EGFR: variants seen among roughly 807,000 people sequenced by gnomAD.
EGFR encodes the protein avian erythroblastic leukemia viral (v-erb-b) oncogene homolog.
A neutral mutation model predicts 143.0 loss-of-function variants in EGFR; 58 were observed. That is an observed-to-expected ratio of 0.41 (90% CI 0.33 to 0.50). The LOEUF (loss-of-function observed/expected upper bound fraction) is 0.50. EGFR is among the 20% of genes least tolerant of loss of function. EGFR has a pLI of 0.39. For synonymous variants in EGFR, 613 were observed against 594.4 expected (o/e 1.03, Z -0.45); for missense variants, 1,307 against 1,579.0 (o/e 0.83, Z 2.92).
At chr7:55,113,591 G>A (rs1792651417) in intron 1 of EGFR, among the ~76,000 whole-genome samples, 1 of 152,184 alleles carries the variant, frequency 6.6e-6, no homozygotes, top group East Asian at 1.9e-4. Flanking sequence ...CTTCAATAGA[G>A]GATCGATAAG....
At chr7:55,140,302 C>A (rs1350243085) in intron 1 of EGFR, among the ~76,000 whole-genome samples, 1 of 152,066 alleles carries the variant, frequency 6.6e-6, no homozygotes, top group African/African-American at 2.4e-5. Flanking sequence ...TCTCTGCATC[C>A]TGAGGAAACT....
chr7:55,168,584 A>G, intron 15 of EGFR: 2 of 1,611,206 alleles, frequency 1.2e-6, no homozygotes, highest in South Asian at 2.2e-5. Context: ...TCCTTTCTAC[A>G]ATTTCAATTT....
intron 1 of EGFR, among the ~76,000 whole-genome samples, chr7:55,051,356 G>A (rs1394614983): frequency 1.3e-5 from 2 of 152,102 alleles, no homozygotes; most frequent in Non-Finnish European, 2.9e-5. Flanking sequence ...AGGTGATTAG[G>A]TCATAAGGCT....
intron 13 of EGFR, 150 bp downstream of exon 13, chr7:55,161,781 G>A (rs527243482): frequency 6.0e-6 from 8 of 1,342,678 alleles, no homozygotes; most frequent in East Asian, 4.7e-5. Flanking sequence ...GTGGGGAGAC[G>A]GGAAGTTGTT....
intron 1 of EGFR, among the ~76,000 whole-genome samples, chr7:55,061,219 T>A (rs1789146479): frequency 6.8e-6 from 1 of 146,608 alleles, no homozygotes; most frequent in African/African-American, 2.5e-5. Flanking sequence ...TGGATAAGGA[T>A]TCTGCCTTTT....
At chr7:55,116,660 C>G (rs747047207) in intron 1 of EGFR, among the ~76,000 whole-genome samples, 1 of 152,194 alleles carries the variant, frequency 6.6e-6, no homozygotes, top group African/African-American at 2.4e-5. Context: ...AGAAGCACCC[C>G]GTGCTGCCTC....
rs11372886 is a variant in EGFR, at chr7:55,023,650, C to CAAAAA, written c.88+4300_88+4304dup. On this transcript the variant is annotated intron_variant, in intron 1 of 27. Coordinates refer to ENST00000275493, the MANE Select transcript of EGFR (RefSeq NM_005228.5). Reference sequence around the variant, plus strand: ...CGCGCGACAGTGTGAGACTCCATCTCAAAAAAAAAAAAAAAAAAACAGATT... The same window carrying CAAAAA: ...CGCGCGACAGTGTGAGACTCCATCTCAAAAAAAAAAAAAAAAAAAAAAAACAGATT... 2.0e-3 allele frequency among the ~76,000 whole-genome samples: 186 copies of CAAAAA among 93,990 alleles called. 3 individuals are homozygous for CAAAAA. The highest frequency in any genetic ancestry group is 7.2e-3 in the African/African-American group (173 of 24,104). 61.7% of individuals were successfully genotyped at this position (93,990 alleles called of 152,430 possible).
intron 7 of EGFR, 149 bp from the exon 8 acceptor site, chr7:55,155,681 G>T: frequency 2.7e-6 from 2 of 750,514 alleles, no homozygotes; most frequent in Non-Finnish European, 4.9e-6. Flanking sequence ...TTCTCTATTT[G>T]CAACCTTTCA....
intron 1 of EGFR, among the ~76,000 whole-genome samples, chr7:55,067,914 G>T (rs972377896): frequency 6.6e-6 from 1 of 151,132 alleles, no homozygotes; most frequent in Non-Finnish European, 1.5e-5. Context: ...GTGTGTTCCT[G>T]TGTATGTGTG....
chr7:55,181,685 A>G, intron 20 of EGFR: 2 of 639,936 alleles, frequency 3.1e-6, no homozygotes, highest in South Asian at 3.8e-5. Context: ...GGAAACTCTC[A>G]TCAATCAGCT....
intron 1 of EGFR, among the ~76,000 whole-genome samples, chr7:55,124,385 T>C (rs983090957): frequency 2.0e-5 from 3 of 152,222 alleles, no homozygotes; most frequent in African/African-American, 7.2e-5. Flanking sequence ...GCTTGGAGAC[T>C]TGCTTAACTC....
At chr7:55,127,393 T>C (rs1036041499) in intron 1 of EGFR, among the ~76,000 whole-genome samples, 6 of 152,180 alleles carry the variant, frequency 3.9e-5, no homozygotes, top group Non-Finnish European at 8.8e-5. Flanking sequence ...CGAAAGGAAG[T>C]GTTACCACAT....
Position 55,019,217 on chromosome 7 carries a change from G to C in EGFR, c.-61G>C. On this transcript the variant is annotated 5_prime_UTR_variant, in exon 1 of 28. Transcript: ENST00000275493. ...GCCAACGCCACAACCACCGCGCACG[G>C]CCCCCTGACTCCGTCCAGTATTGAT... is the stretch of plus-strand genomic sequence containing the variant. The C allele has an allele frequency of 7.6e-7, 1 of 1,319,210 alleles. No individual in the cohort carries two copies. Among genetic ancestry groups the C allele is most frequent in the Non-Finnish European group, 1.0e-6 (1 of 986,272 alleles). 81.7% of individuals were successfully genotyped at this position (1,319,210 alleles called of 1,614,324 possible).
At position 55,035,686 on chromosome 7, in the gene EGFR, GAA is replaced by G. The variant is rs35456043; in HGVS notation, c.88+16336_88+16337del. Among the ~76,000 whole-genome samples the G allele has an allele frequency of 5.4e-3, 636 of 117,966 alleles. 12 individuals are homozygous for G. The highest frequency in any genetic ancestry group is 2.7e-3 in the African/African-American group (88 of 32,966). 77.4% of individuals were successfully genotyped at this position (117,966 alleles called of 152,430 possible). ...GGTGACAGAGCAAGACTCTGTCTCG[GAA>G]AAAAAAAAAAAAAAGGATAAAGAAA... On this transcript the variant is annotated intron_variant, in intron 1 of 27. Coordinates refer to ENST00000275493, the MANE Select transcript of EGFR (RefSeq NM_005228.5).
intron 1 of EGFR, among the ~76,000 whole-genome samples, chr7:55,126,528 G>C (rs186328529): frequency 6.6e-6 from 1 of 152,194 alleles, no homozygotes; most frequent in Non-Finnish European, 1.5e-5. Flanking sequence ...GGGTGCAAAC[G>C]CAGGCTTGTG....
At chr7:55,133,284 GAAGA>G (rs1170046141) in intron 1 of EGFR, among the ~76,000 whole-genome samples, 4 of 152,210 alleles carry the variant, frequency 2.6e-5, no homozygotes, top group African/African-American at 9.6e-5. Context: ...CAAAGCTGAG[GAAGA>G]AAGAGTGAGC....
chr7:55,203,540 CCA>C (rs1787961438), intron 27 of EGFR, among the ~76,000 whole-genome samples: 3 of 130,764 alleles, frequency 2.3e-5, no homozygotes, highest in Admixed American at 8.4e-5. Context: ...TACACATACA[CCA>C]CACACACCAC....
At chr7:55,187,804 G>C (rs941336775) in intron 20 of EGFR, among the ~76,000 whole-genome samples, 6 of 152,208 alleles carry the variant, frequency 3.9e-5, no homozygotes, top group Non-Finnish European at 8.8e-5. Flanking sequence ...AGTTGCAGGT[G>C]GGTCTCTGGG....
intron 1 of EGFR, 142 bp from the exon 2 acceptor site, chr7:55,142,144 G>A (rs763258625): frequency 2.8e-4 from 272 of 955,574 alleles, no homozygotes; most frequent in Admixed American, 2.3e-4. Context: ...GCGCCCAGAT[G>A]ACCTGGGCAG....
Sources: gnomAD v4.1 joint callset for allele counts (sites outside exome capture counted in the v4.1 genomes callset) on GRCh38, gnomAD v4.1.1 for gene constraint, MANE v1.5 for transcripts, NCBI Gene and HGNC (gene_info 2026-07-23, HGNC 2026-07-21) for gene names.